DCAF5: variants seen among roughly 807,000 people sequenced by gnomAD.
The protein encoded by DCAF5 is DDB1 and CUL4 associated factor 5, also known as DDB1- and CUL4-associated factor 5.
A neutral mutation model predicts 80.7 loss-of-function variants in DCAF5; 9 were observed. The observed-to-expected ratio is 0.11, with a 90% CI of 0.07 to 0.19. The LOEUF (loss-of-function observed/expected upper bound fraction) is 0.19. Among genes scored for constraint, DCAF5 ranks in the 10% least tolerant of loss-of-function variants. The pLI, the probability that DCAF5 is intolerant of heterozygous loss-of-function variation, is 1.00. For synonymous variants in DCAF5, 433 were observed against 461.9 expected (o/e 0.94, Z 0.80); for missense variants, 842 against 1,205.7 (o/e 0.70, Z 4.47).
At chr14:69,082,345 A>C (rs2039137665) in intron 6 of DCAF5, among the ~76,000 whole-genome samples, 2 of 152,248 alleles carry the variant, frequency 1.3e-5, no homozygotes, top group South Asian at 4.1e-4. Flanking sequence ...CTATTTTTGC[A>C]AGTGAAGTTA....
At position 69,096,257 on chromosome 14, in the gene DCAF5, A is replaced by G. The variant is rs184521641; in HGVS notation, c.666-4370T>C. Among the ~76,000 whole-genome samples, 102 of 152,086 alleles carry G rather than the reference A, an allele frequency of 6.7e-4. 1 individual carries two copies. The highest frequency in any genetic ancestry group is 2.3e-3 in the South Asian group (11 of 4,816). On this transcript the variant is annotated intron_variant, in intron 5 of 8. Transcript: ENST00000341516. ...GCTTTCTCTTTTGTTTTCCTAATGC[A>G]CTCCTCAGTCCCAAGACTGAAACCT... is the stretch of plus-strand genomic sequence containing the variant.
In DCAF5 at chr14:69,116,505, G is replaced by C; in HGVS notation, c.536-10C>G. The C allele has an allele frequency of 6.2e-7, 1 of 1,611,442 alleles. No individual in the cohort carries two copies. Among genetic ancestry groups the C allele is most frequent in the Non-Finnish European group, 8.5e-7 (1 of 1,178,238 alleles). ...GCCAGGCAGAAGGGCTCTGTGGAAA[G>C]AAAAATTATAATCAGTTCACTCCAG... is the stretch of plus-strand genomic sequence containing the variant. On this transcript the variant is annotated splice_polypyrimidine_tract_variant and intron_variant, in intron 4 of 8. Coordinates refer to ENST00000341516, the MANE Select transcript of DCAF5 (RefSeq NM_003861.3).
At chr14:69,127,361 A>C (rs1451271322) in intron 1 of DCAF5, among the ~76,000 whole-genome samples, 2 of 152,230 alleles carry the variant, frequency 1.3e-5, no homozygotes, top group African/African-American at 4.8e-5. Context: ...CCTTAAGTAC[A>C]CATTACCAAA....
At chr14:69,088,790 C>T (rs2039432492) in intron 6 of DCAF5, among the ~76,000 whole-genome samples, 1 of 151,944 alleles carries the variant, frequency 6.6e-6, no homozygotes, top group South Asian at 2.1e-4. Flanking sequence ...ATATAAAGCC[C>T]AATATAAGGA....
chr14:69,109,269 G>A (rs1021147024), intron 5 of DCAF5, among the ~76,000 whole-genome samples: 4 of 151,716 alleles, frequency 2.6e-5, no homozygotes, highest in Non-Finnish European at 4.4e-5. Flanking sequence ...GTGTGAACCC[G>A]GGAGGCAGAG....
intron 7 of DCAF5, among the ~76,000 whole-genome samples, chr14:69,068,658 A>G (rs1454079762): frequency 6.8e-6 from 1 of 147,996 alleles, no homozygotes; most frequent in Non-Finnish European, 1.5e-5. Flanking sequence ...AGATCATGCC[A>G]TTGCACTCCA....
intron 1 of DCAF5, among the ~76,000 whole-genome samples, chr14:69,126,545 T>C (rs2040881151): frequency 6.6e-6 from 1 of 152,224 alleles, no homozygotes; most frequent in Admixed American, 6.5e-5. Flanking sequence ...AAATTCATTT[T>C]ATGCATATCA....
intron 6 of DCAF5, among the ~76,000 whole-genome samples, chr14:69,087,634 G>T (rs896182831): frequency 3.9e-5 from 6 of 152,132 alleles, no homozygotes; most frequent in Non-Finnish European, 5.9e-5. Flanking sequence ...TAGCCAAAAG[G>T]GGGGAAGACA....
intron 1 of DCAF5, among the ~76,000 whole-genome samples, chr14:69,131,664 C>CCATTCTA (rs1022569477): frequency 5.3e-5 from 8 of 151,868 alleles, no homozygotes; most frequent in Non-Finnish European, 1.2e-4. Flanking sequence ...TAAGTTGTAT[C>CCATTCTA]CATTCTACCA....
At chr14:69,083,867 T>G in intron 6 of DCAF5, 1 of 756,890 alleles carries the variant, frequency 1.3e-6, no homozygotes. Context: ...GACAGTGAGA[T>G]GCCCAGCCTG....
At chr14:69,091,237 T>C (rs1012596528) in intron 6 of DCAF5, 3 of 695,868 alleles carry the variant, frequency 4.3e-6, no homozygotes, top group African/African-American at 1.8e-5. Context: ...AAGAAAAAGA[T>C]GGCATCCCAA....
At chr14:69,119,501 A>C (rs1191661085) in intron 2 of DCAF5, among the ~76,000 whole-genome samples, 1 of 151,260 alleles carries the variant, frequency 6.6e-6, no homozygotes, top group Admixed American at 6.6e-5. Flanking sequence ...AAAAAAAAAA[A>C]ACAACTGTGG....
chr14:69,122,487 A>AGTT, intron 1 of DCAF5, 127 bp from the exon 2 acceptor site: 3 of 994,266 alleles, frequency 3.0e-6, no homozygotes, highest in Non-Finnish European at 4.3e-6. Flanking sequence ...ATTCGCATGG[A>AGTT]GCACAAAAAC....
chr14:69,095,555 A>T (rs551116779), intron 5 of DCAF5, among the ~76,000 whole-genome samples: 5 of 151,958 alleles, frequency 3.3e-5, no homozygotes, highest in Admixed American at 1.3e-4. Flanking sequence ...TTAAGTACAC[A>T]CACACACACA....
chr14:69,075,216 T>A (rs2038854185), intron 7 of DCAF5, 129 bp downstream of exon 7: 3 of 577,830 alleles, frequency 5.2e-6, no homozygotes, highest in Non-Finnish European at 8.9e-6. Context: ...ATTTTTAAAT[T>A]TCCTTTGGTC....
At chr14:69,148,379 A>G (rs1006168091) in intron 1 of DCAF5, among the ~76,000 whole-genome samples, 1 of 152,188 alleles carries the variant, frequency 6.6e-6, no homozygotes, top group Non-Finnish European at 1.5e-5. Context: ...ACAATCATCA[A>G]GTATAAGCTA....
rs1162859546 is a variant in DCAF5 at position 69,055,221 on chromosome 14, T to C, written c.1465A>G (p.Thr489Ala). Residue 489 changes from threonine to alanine, a missense_variant, in exon 9 of 9, where the codon ACC (threonine) becomes GCC (alanine). By Grantham distance (58) the Thr-to-Ala change is moderately conservative. This residue lies in a region of DCAF5 where 607 missense variants were observed against 656.6 expected (regional missense o/e 0.92). Transcript: ENST00000341516. The surrounding 1 kb of genome is among the most constrained non-coding windows in gnomAD (Gnocchi z 5.6). ...GTTGAGGCTACTGTGTTTGTGGTGG[T>C]GACCCGCAGGGGCCCCAGGTGGAAG... is the stretch of plus-strand genomic sequence containing the variant. ...NAFHLGPLRV[T>A]TTNTVASTPP... The C allele has an allele frequency of 5.6e-6, 9 of 1,614,010 alleles. No homozygotes were observed. The highest frequency in any genetic ancestry group is 7.6e-6 in the Non-Finnish European group (9 of 1,180,018).
chr14:69,054,902 C>A lies in DCAF5; in HGVS notation c.1784G>T (p.Arg595Leu), dbSNP rs1336416909. The change falls in exon 9 of 9, where the codon CGA (arginine) becomes CTA (leucine). Residue 595 changes from arginine (R) to leucine (L), a missense_variant. By Grantham distance (102) the Arg-to-Leu change is moderately radical. Around this residue, in one of 5 missense-constraint regions of DCAF5, gnomAD observed 607 missense variants for 656.6 expected, o/e 0.92. Coordinates refer to ENST00000341516, the MANE Select transcript of DCAF5 (RefSeq NM_003861.3). ...GATTGGGGCACTGGGCTTGTCTTCTCGGGTTGTCTTCTGTCGGCGCCGCAT... is the reference window on the plus strand; with the variant it reads ...GATTGGGGCACTGGGCTTGTCTTCTAGGGTTGTCTTCTGTCGGCGCCGCAT... ...NAMRRRQKTTREDKPSAPIKP... is the reference protein window; with the variant it reads ...NAMRRRQKTTLEDKPSAPIKP... The A allele has an allele frequency of 6.2e-7, 1 of 1,614,168 alleles. No homozygotes were observed. Among genetic ancestry groups the A allele is most frequent in the Non-Finnish European group, 8.5e-7 (1 of 1,180,028 alleles).
At chr14:69,127,460 A>G (rs2040911566) in intron 1 of DCAF5, among the ~76,000 whole-genome samples, 1 of 152,250 alleles carries the variant, frequency 6.6e-6, no homozygotes, top group Non-Finnish European at 1.5e-5. Context: ...GACAACAAAA[A>G]GATCACTAAT....
Sources: gnomAD v4.1 joint callset for allele counts (sites outside exome capture counted in the v4.1 genomes callset) on GRCh38, gnomAD v4.1.1 for gene constraint, gnomAD v4.1.1 regional missense constraint, Gnocchi (gnomAD v3.1) non-coding constraint, MANE v1.5 for transcripts, NCBI Gene and HGNC (gene_info 2026-07-23, HGNC 2026-07-21) for gene names.